The following EMG1 variants were observed in gnomAD, a reference collection of about 807,000 sequenced individuals.
EMG1 encodes the protein EMG1 N1-specific pseudouridine methyltransferase, also known as ribosomal RNA small subunit methyltransferase NEP1.
Under a neutral mutation model 26.9 loss-of-function variants are expected in EMG1, and 24 were observed. The ratio of observed to expected loss-of-function variants is 0.89; its 90% CI spans 0.65 to 1.26. The LOEUF is 1.26. Ranked by LOEUF, EMG1 falls within the 50% of genes most tolerant of loss-of-function variation. The probability of loss-of-function intolerance (pLI) is 0.00; values close to 1 mark genes in which losing one functional copy is unlikely to be tolerated. For missense variants in EMG1, 299 were observed against 307.6 expected, an observed-to-expected ratio of 0.97 and a Z score of 0.21; for synonymous variants, 140 against 112.6, an observed-to-expected ratio of 1.24 and a Z score of -1.54.
In EMG1 at chr12:6,977,296, C is replaced by G; in HGVS notation, c.*1487C>G. 6.2e-7 allele frequency: 1 copy of G among 1,611,562 alleles called. No individual in the cohort carries two copies. Among genetic ancestry groups the G allele is most frequent in the Middle Eastern group, 1.6e-4 (1 of 6,062 alleles). On this transcript the variant is annotated 3_prime_UTR_variant, in exon 6 of 6. Transcript: ENST00000599672. This position sits in a 1 kb window ranked among gnomAD's most constrained non-coding sequence, Gnocchi z 4.5. ...AGAGAGGCCACTAAGGTAGACAGGC[C>G]TGGAGTGTCCTTTGCAACCTTTGAG...
downstream of EMG1, among the ~76,000 whole-genome samples, chr12:6,989,395 C>T (rs1017546721): frequency 1.3e-5 from 2 of 150,866 alleles, no homozygotes; most frequent in Admixed American, 6.6e-5. Flanking sequence ...CTGCAAGCTC[C>T]GCCTCCCGGG....
In EMG1 at chr12:6,977,759, T is replaced by A; in HGVS notation, c.*1950T>A. 1.2e-6 allele frequency: 2 copies of A among 1,613,300 alleles called. No homozygotes were observed. Among genetic ancestry groups the A allele is most frequent in the Non-Finnish European group, 1.7e-6 (2 of 1,179,790 alleles). ...TTGAAGATGTAGCTGGAGAAAAGGG[T>A]GGGTGGGGCGACCCTCAAACTGACT... On this transcript the variant is annotated 3_prime_UTR_variant, in exon 6 of 6. Transcript: ENST00000599672. The surrounding 1 kb of genome is among the most constrained non-coding windows in gnomAD (Gnocchi z 4.5).
At chr12:6,989,504 G>A (rs1197202289), downstream of EMG1, among the ~76,000 whole-genome samples, 3 of 151,898 alleles carry the variant, frequency 2.0e-5, no homozygotes, top group Non-Finnish European at 4.4e-5. Flanking sequence ...TAGAGACAGG[G>A]TTTCACCGTG....
At chr12:6,981,432 A>C (rs1363532485), downstream of EMG1, 1 of 775,742 alleles carries the variant, frequency 1.3e-6, no homozygotes, top group Non-Finnish European at 2.2e-6. Context: ...TGGGCAAATT[A>C]GATTTGTTGA....
At chr12:6,986,587 A>G (rs1946528260) in intron 6 of EMG1, among the ~76,000 whole-genome samples, 1 of 151,928 alleles carries the variant, frequency 6.6e-6, no homozygotes, top group South Asian at 2.1e-4. Flanking sequence ...AATCGAGACC[A>G]TCCTGGCTAA....
At position 6,977,265 on chromosome 12, in the gene EMG1, G is replaced by A; in HGVS notation, c.*1456G>A. 1.9e-6 allele frequency: 3 copies of A among 1,611,186 alleles called. No homozygotes were observed. Among genetic ancestry groups the A allele is most frequent in the Non-Finnish European group, 1.7e-6 (2 of 1,177,300 alleles). ...AGGAAATAGATGGATTTATACACCT[G>A]TGGAGAGAGAGGCCACTAAGGTAGA... On this transcript the variant is annotated 3_prime_UTR_variant, in exon 6 of 6. Transcript: ENST00000599672. This position sits in a 1 kb window ranked among gnomAD's most constrained non-coding sequence, Gnocchi z 4.5.
downstream of EMG1, among the ~76,000 whole-genome samples, chr12:6,989,132 A>T (rs1461715875): frequency 6.6e-6 from 1 of 152,022 alleles, no homozygotes; most frequent in Middle Eastern, 3.2e-3. Context: ...CAAAAAAAAA[A>T]AAAGAACTTG....
chr12:6,981,587 G>T (rs782039259), downstream of EMG1: 9 of 1,613,792 alleles, frequency 5.6e-6, no homozygotes, highest in Admixed American at 1.0e-4. Flanking sequence ...CGATGAATGG[G>T]TACTTACCTG....
chr12:6,973,687 C>T (rs1036645431), intron 1 of EMG1, among the ~76,000 whole-genome samples: 14 of 152,072 alleles, frequency 9.2e-5, no homozygotes, highest in African/African-American at 3.1e-4. Context: ...GGACTACAGG[C>T]GCCTGCCACC....
chr12:6,986,327 T>A (rs1375112333), intron 6 of EMG1, among the ~76,000 whole-genome samples: 1 of 152,050 alleles, frequency 6.6e-6, no homozygotes, highest in African/African-American at 2.4e-5. Flanking sequence ...AGAGTAAACA[T>A]ATTTTTTCTT....
At chr12:6,975,469 T>C (rs1193243398) in intron 5 of EMG1, 91 bp downstream of exon 5, 37 of 1,359,244 alleles carry the variant, frequency 2.7e-5, no homozygotes, top group Non-Finnish European at 3.6e-5. Flanking sequence ...ATGCTTACAA[T>C]GAGCTAGAAG....
In EMG1 at chr12:6,978,207, G is replaced by A; in HGVS notation, c.*2398G>A. ...GAGGGGGGTATAGGTGGGGGTCAAA[G>A]TCAGTGTGAGCGACAGGGGGTTCTG... On this transcript the variant is annotated 3_prime_UTR_variant, in exon 6 of 6. Transcript: ENST00000599672. 9.3e-7 allele frequency: 1 copy of A among 1,073,680 alleles called. No homozygotes were observed. Among genetic ancestry groups the A allele is most frequent in the South Asian group, 1.6e-5 (1 of 62,470 alleles). 66.5% of individuals were successfully genotyped at this position (1,073,680 alleles called of 1,614,324 possible).
At chr12:6,981,439 T>C, downstream of EMG1, 7 of 796,912 alleles carry the variant, frequency 8.8e-6, no homozygotes, top group Non-Finnish European at 1.5e-5. Context: ...ATTAGATTTG[T>C]TGATCCTTGC....
At chr12:6,981,475 C>T (rs1373685496), downstream of EMG1, 8 of 1,006,586 alleles carry the variant, frequency 7.9e-6, no homozygotes, top group African/African-American at 1.3e-4. Context: ...AGGGAGATTG[C>T]ACAGGCTGGG....
rs782781687 is a variant in EMG1 at position 6,979,003 on chromosome 12, T to C, written c.*3194T>C. The C allele has an allele frequency of 1.8e-5, 6 of 329,142 alleles. No homozygotes were observed. The highest frequency in any genetic ancestry group is 1.2e-4 in the East Asian group (2 of 16,546). 20.4% of individuals were successfully genotyped at this position (329,142 alleles called of 1,614,324 possible). The stretch of plus-strand genomic sequence containing the variant: ...AATGTTAAGTACAGAGGGGCCCATA[T>C]TGGATTTTAATTTAAGGAGAGAAAC... On this transcript the variant is annotated 3_prime_UTR_variant, in exon 6 of 6. Transcript: ENST00000599672.
Position 6,978,580 on chromosome 12 carries a change from C to A in EMG1, c.*2771C>A. The A allele has an allele frequency of 6.2e-7, 1 of 1,613,914 alleles. No individual in the cohort carries two copies. The highest frequency in any genetic ancestry group is 1.1e-5 in the South Asian group (1 of 91,036). On this transcript the variant is annotated 3_prime_UTR_variant, in exon 6 of 6. Transcript: ENST00000599672. Reference sequence around the variant, plus strand: ...CCCCCATGGCTTGTCTAAATAGGACCTTGTTTCAACTTTTCTACTTACTGT... The same window carrying A: ...CCCCCATGGCTTGTCTAAATAGGACATTGTTTCAACTTTTCTACTTACTGT...
chr12:6,993,242 A>G (rs782776794), downstream of EMG1, among the ~76,000 whole-genome samples: 22 of 152,240 alleles, frequency 1.4e-4, no homozygotes, highest in African/African-American at 4.8e-4. Flanking sequence ...GATCAAGACC[A>G]TCCTGGCCAA....
At position 6,987,044 on chromosome 12, in the gene EMG1, C is replaced by T. The variant is rs782277153; in HGVS notation, c.*155-738C>T. ...AGGAGAATTGCTTGAACCCAGGAGG[C>T]GGAGGTGGCAGTGAGCTGAGATCAC... On this transcript the variant is annotated intron_variant and NMD_transcript_variant, in intron 6 of 7. Transcript: ENST00000261406. This position sits in a 1 kb window ranked among gnomAD's most constrained non-coding sequence, Gnocchi z 4.1. 3.0e-4 allele frequency among the ~76,000 whole-genome samples: 45 copies of T among 151,358 alleles called. No homozygotes were observed. The South Asian group carries it at 8.8e-3, about 30-fold the overall frequency.
At chr12:6,983,638 A>T, downstream of EMG1, 1 of 723,618 alleles carries the variant, frequency 1.4e-6, no homozygotes, top group Non-Finnish European at 2.4e-6. Flanking sequence ...CCAGAGGGAG[A>T]GAGAAAAAAA....
Sources: gnomAD v4.1 joint callset for allele counts (sites outside exome capture counted in the v4.1 genomes callset) on GRCh38, gnomAD v4.1.1 for gene constraint, Gnocchi (gnomAD v3.1) non-coding constraint, MANE v1.5 for transcripts, NCBI Gene and HGNC (gene_info 2026-07-23, HGNC 2026-07-21) for gene names.